The following QRICH2 variants were observed in gnomAD, a reference collection of about 807,000 sequenced individuals.
QRICH2 encodes the protein glutamine-rich protein 2.
Under a neutral mutation model 168.3 loss-of-function variants are expected in QRICH2, and 119 were observed. The observed-to-expected ratio is 0.71, with a 90% confidence interval of 0.61 to 0.82. The LOEUF (loss-of-function observed/expected upper bound fraction) is 0.82. Among genes scored for constraint, QRICH2 ranks in the 40% least tolerant of loss-of-function variants. The pLI is 0.00. For synonymous variants in QRICH2, 894 were observed against 951.2 expected (o/e 0.94, Z 1.11); for missense variants, 2,241 against 2,491.6 (o/e 0.90, Z 2.14).
intron 7 of QRICH2, 95 bp downstream of exon 7, chr17:76,287,097 G>T: frequency 1.4e-6 from 1 of 691,132 alleles, no homozygotes; most frequent in South Asian, 1.5e-5. Context: ...CATGATGGGA[G>T]GGACCTAGTT....
Position 76,291,812 on chromosome 17 carries a change from C to T in QRICH2, c.2915G>A (p.Arg972Lys). ...VQPGMDQYGL[R>K]QPGAYQPGLI... is the part of the protein sequence containing the mutation. The stretch of plus-strand genomic sequence containing the variant: ...GCCTGGCTGATATGCACCAGGTTGT[C>T]TCAAACCATACTGATCCATTCCTGG... The change falls in exon 4 of 19, where the codon AGA becomes AAA. Residue 972 changes from arginine to lysine, a missense_variant. Physicochemically the swap from Arg to Lys is conservative, Grantham distance 26 (BLOSUM62 2). This residue lies in a region of QRICH2 where 2,047 missense variants were observed against 2,303.8 expected (regional missense o/e 0.89). Transcript: ENST00000680821. 2 of 1,613,670 alleles carry T rather than the reference C, an allele frequency of 1.2e-6. No individual in the cohort carries two copies. Among genetic ancestry groups the T allele is most frequent in the Non-Finnish European group, 1.7e-6 (2 of 1,179,884 alleles).
Position 76,275,848 on chromosome 17 carries a change from C to G in QRICH2, c.5453G>C (p.Ser1818Thr). 1 of 1,607,528 alleles carries G rather than the reference C, an allele frequency of 6.2e-7. No homozygotes were observed. The highest frequency in any genetic ancestry group is 1.1e-5 in the South Asian group (1 of 91,072). Residue 1818 changes from serine to threonine, a missense_variant, in exon 18 of 19, where the codon AGC (serine) becomes ACC (threonine). This residue lies in a region of QRICH2 where 189 missense variants were observed against 169.3 expected (regional missense o/e 1.12). Coordinates refer to ENST00000680821, the MANE Select transcript of QRICH2 (RefSeq NM_001388453.1). ...GGTGTTGCCAGCCGAAATCTGGGCG[C>G]TCTGTGGCCGAGAGGGCAGCTGGCC... ...SNGQLPSRPQ[S>T]AQISAGNTSV...
chr17:76,280,443 G>A lies in QRICH2; in HGVS notation c.4470C>T (p.Asp1490=). 6.2e-7 allele frequency: 1 copy of A among 1,613,904 alleles called. No individual in the cohort carries two copies. The highest frequency in any genetic ancestry group is 8.5e-7 in the Non-Finnish European group (1 of 1,179,924). Residue 1490 remains aspartate, a synonymous_variant, in exon 11 of 19, where the codon GAC becomes GAT. Coordinates refer to ENST00000680821, the MANE Select transcript of QRICH2 (RefSeq NM_001388453.1). This position sits in a 1 kb window ranked among gnomAD's most constrained non-coding sequence, Gnocchi z 7.4. ...TCACTTTGGTGGCCAGAGCACTCTTGTCGGCTTTCTGCCCAGAGACAGACA... is the reference window on the plus strand; with the variant it reads ...TCACTTTGGTGGCCAGAGCACTCTTATCGGCTTTCTGCCCAGAGACAGACA... ...HLEMEIDVKA[D]KSALATKVSR... is the part of the protein sequence containing the mutation.
intron 7 of QRICH2, among the ~76,000 whole-genome samples, chr17:76,283,352 G>T (rs1458419937): frequency 6.6e-6 from 1 of 152,014 alleles, no homozygotes; most frequent in East Asian, 1.9e-4. Flanking sequence ...CTAAAGATGG[G>T]GCATGTGGAA....
rs145553231 is a variant in QRICH2, at chr17:76,306,120, C to T, written c.535-1179G>A. Among the ~76,000 whole-genome samples the T allele has an allele frequency of 4.2e-5, 5 of 118,330 alleles. No homozygotes were observed. In the East Asian group the frequency reaches 1.5e-3, roughly 35 times the overall value. The allele number at this position is 118,330 out of a possible 152,430, so 77.6% of individuals were successfully genotyped here. On this transcript the variant is annotated intron_variant, in intron 1 of 18. Transcript: ENST00000680821. ...AGGAGATGGAGTTGCAGTGAGCCGACAATGCACCACTGCACTCCAGCCTGG... is the reference window on the plus strand; with the variant it reads ...AGGAGATGGAGTTGCAGTGAGCCGATAATGCACCACTGCACTCCAGCCTGG...
At chr17:76,305,902 G>A (rs2070983503) in intron 1 of QRICH2, among the ~76,000 whole-genome samples, 1 of 152,124 alleles carries the variant, frequency 6.6e-6, no homozygotes, top group Non-Finnish European at 1.5e-5. Context: ...AGGCGCAGTG[G>A]CTCTTGCCTG....
In QRICH2 at chr17:76,291,867, A is replaced by G. The variant is rs2143291349; in HGVS notation, c.2860T>C (p.Ser954Pro). The change falls in exon 4 of 19, where the codon TCT (serine) becomes CCT (proline). Residue 954 changes from serine to proline, a missense_variant. Ser to Pro is a moderately conservative substitution (Grantham distance 74). Transcript: ENST00000680821. The stretch of plus-strand genomic sequence containing the variant: ...ACCAGACCACGTGGATATGTCCCAG[A>G]TTGAGATAAATCATGCAAATATGCA... ...PGAYLHDLSQ[S>P]GTYPRGLVQP... 1 of 1,614,018 alleles carries G rather than the reference A, an allele frequency of 6.2e-7. No homozygotes were observed. Among genetic ancestry groups the G allele is most frequent in the Non-Finnish European group, 8.5e-7 (1 of 1,180,014 alleles).
chr17:76,283,797 C>T lies in QRICH2; in HGVS notation c.4012-1682G>A, dbSNP rs933763331. ...GCTGAGGCAGGAGAATTGCTTGAACCTGGGAGACGGAGGTTGCAGTGAGCT... is the reference window on the plus strand; with the variant it reads ...GCTGAGGCAGGAGAATTGCTTGAACTTGGGAGACGGAGGTTGCAGTGAGCT... On this transcript the variant is annotated intron_variant, in intron 7 of 18. Coordinates refer to ENST00000680821, the MANE Select transcript of QRICH2 (RefSeq NM_001388453.1). 6.1e-4 allele frequency among the ~76,000 whole-genome samples: 86 copies of T among 142,062 alleles called. 19 individuals carry two copies. Among genetic ancestry groups the T allele is most frequent in the African/African-American group, 2.6e-3 (83 of 32,314 alleles). The allele number at this position is 142,062 out of a possible 152,430, so 93.2% of individuals were successfully genotyped here. A position where few individuals can be genotyped will look rare whatever the true frequency, so the allele number is the denominator to read the frequency against.
chr17:76,282,676 A>G (rs2070811609), intron 7 of QRICH2, among the ~76,000 whole-genome samples: 1 of 152,176 alleles, frequency 6.6e-6, no homozygotes, highest in South Asian at 2.1e-4. Flanking sequence ...AGTGCCTTGA[A>G]GGCTGCCCTG....
intron 3 of QRICH2, among the ~76,000 whole-genome samples, chr17:76,294,847 A>G (rs2143329620): frequency 6.6e-6 from 1 of 151,746 alleles, no homozygotes; most frequent in East Asian, 1.9e-4. Flanking sequence ...TTTCTTCATA[A>G]AAGATGGGGA....
In QRICH2 at chr17:76,281,499, T is replaced by A. The variant is rs184705; in HGVS notation, c.4263+365A>T. 1.3e-5 allele frequency among the ~76,000 whole-genome samples: 2 copies of A among 151,980 alleles called. No individual in the cohort carries two copies. The highest frequency in any genetic ancestry group is 2.4e-5 in the African/African-American group (1 of 41,384). On this transcript the variant is annotated intron_variant, in intron 8 of 18. Transcript: ENST00000680821. The surrounding 1 kb of genome is among the most constrained non-coding windows in gnomAD (Gnocchi z 4.4). ...CCCCCACCAGCAAGCCTGCCCTTTC[T>A]AGGGAAATTGAGAAGGGGTTGGAAG...
upstream of QRICH2, among the ~76,000 whole-genome samples, chr17:76,308,710 AACTGGT>A (rs1051484919): frequency 1.3e-5 from 2 of 152,100 alleles, no homozygotes; most frequent in Admixed American, 6.5e-5. Context: ...CTAGATGACT[AACTGGT>A]GGCTAATTGT....
intron 7 of QRICH2, among the ~76,000 whole-genome samples, chr17:76,285,694 A>G (rs940653386): frequency 4.0e-5 from 6 of 151,618 alleles, no homozygotes; most frequent in Non-Finnish European, 8.8e-5. Flanking sequence ...TCCTAAAAAT[A>G]CAAAATTACC....
At chr17:76,303,388 G>A (rs1177054373) in intron 3 of QRICH2, among the ~76,000 whole-genome samples, 2 of 152,104 alleles carry the variant, frequency 1.3e-5, no homozygotes, top group Non-Finnish European at 2.9e-5. Flanking sequence ...TGCTTGTTTT[G>A]ATAACCCACT....
Position 76,307,807 on chromosome 17 carries a change from G to C in QRICH2, c.192C>G (p.Val64=). The change falls in exon 1 of 19, where the codon GTC becomes GTG. Residue 64 remains valine, a synonymous_variant. Coordinates refer to ENST00000680821, the MANE Select transcript of QRICH2 (RefSeq NM_001388453.1). This position sits in a 1 kb window ranked among gnomAD's most constrained non-coding sequence, Gnocchi z 5.3. ...GGTGCGGGATGCTGAACGAGCTCCG[G>C]ACGGACTGCAGCGAGCGGCTGGGCT... ...SPEPSRSLQS[V]RSSFSIPHLP... is the part of the protein sequence containing the mutation. 1.5e-6 allele frequency: 2 copies of C among 1,333,950 alleles called. No homozygotes were observed. Among genetic ancestry groups the C allele is most frequent in the African/African-American group, 1.5e-5 (1 of 65,824 alleles). The allele number at this position is 1,333,950 out of a possible 1,614,324, so 82.6% of individuals were successfully genotyped here.
At chr17:76,289,020 C>T (rs2070940513) in intron 5 of QRICH2, among the ~76,000 whole-genome samples, 1 of 150,218 alleles carries the variant, frequency 6.7e-6, no homozygotes, top group Admixed American at 6.7e-5. Flanking sequence ...AGGAAAATGG[C>T]GTGAACCTGG....
At chr17:76,294,071 C>T (rs1364337160) in intron 3 of QRICH2, 50 bp from the exon 4 acceptor site, 2 of 1,533,116 alleles carry the variant, frequency 1.3e-6, no homozygotes, top group Non-Finnish European at 1.8e-6. Context: ...TATTCACTAT[C>T]AGAGTGGGAA....
intron 7 of QRICH2, 51 bp downstream of exon 7, chr17:76,287,141 G>A (rs779695191): frequency 2.3e-6 from 3 of 1,321,864 alleles, no homozygotes; most frequent in Non-Finnish European, 3.3e-6. Flanking sequence ...GGCCAAGCCA[G>A]CTCTGAGAAG....
intron 5 of QRICH2, among the ~76,000 whole-genome samples, chr17:76,289,088 A>G (rs953411642): frequency 6.7e-6 from 1 of 148,608 alleles, no homozygotes; most frequent in Non-Finnish European, 1.5e-5. Context: ...TTGGCGACAG[A>G]GTGAGACTGT....
Sources: allele counts gnomAD v4.1 joint callset (sites outside exome capture counted in the v4.1 genomes callset), GRCh38; gene constraint gnomAD v4.1.1; regional missense constraint gnomAD v4.1.1; non-coding constraint Gnocchi (gnomAD v3.1); transcripts MANE v1.5; gene names NCBI Gene and HGNC (gene_info 2026-07-23, HGNC 2026-07-21).